AP3B1: variants seen among roughly 807,000 people sequenced by gnomAD.
The protein encoded by AP3B1 is AP-3 complex subunit beta-1.
AP3B1 carries 61 observed loss-of-function variants against 132.5 expected under a neutral mutation model. That is an observed-to-expected ratio of 0.46 (90% CI 0.37 to 0.57). The LOEUF (loss-of-function observed/expected upper bound fraction) is 0.57. AP3B1 is among the 20% of genes least tolerant of loss of function. The pLI is 0.00. For synonymous variants in AP3B1, 388 were observed against 438.3 expected, an observed-to-expected ratio of 0.89 and a Z score of 1.43; for missense variants, 1,120 against 1,289.4, an observed-to-expected ratio of 0.87 and a Z score of 2.01.
chr5:78,015,623 G>T, intron 25 of AP3B1, 75 bp from the exon 26 acceptor site: 1 of 1,513,984 alleles, frequency 6.6e-7, no homozygotes, highest in Non-Finnish European at 9.0e-7. Context: ...TAAGCTCATG[G>T]CCAAAATTTT....
chr5:78,033,472 T>C (rs1224452386), intron 24 of AP3B1, among the ~76,000 whole-genome samples: 5 of 152,008 alleles, frequency 3.3e-5, no homozygotes, highest in Non-Finnish European at 1.5e-5. Flanking sequence ...AAATGAAAAG[T>C]TCACTATGTT....
At chr5:78,240,377 G>A (rs975134296) in intron 3 of AP3B1, among the ~76,000 whole-genome samples, 2 of 152,082 alleles carry the variant, frequency 1.3e-5, no homozygotes, top group Non-Finnish European at 2.9e-5. Context: ...GTATTTTACT[G>A]GGACGTGTTC....
chr5:78,190,936 T>G (rs185766989), intron 7 of AP3B1, among the ~76,000 whole-genome samples: 8 of 152,294 alleles, frequency 5.3e-5, no homozygotes, highest in African/African-American at 1.9e-4. Flanking sequence ...TGCCTCATAC[T>G]TGAGGATTTA....
At chr5:78,042,122 A>T (rs1407932584) in intron 22 of AP3B1, 1 of 166,694 alleles carries the variant, frequency 6.0e-6, no homozygotes, top group Non-Finnish European at 1.3e-5. Context: ...TTTGACACAG[A>T]TGTCATCTCA....
intron 22 of AP3B1, among the ~76,000 whole-genome samples, chr5:78,045,123 G>T (rs1031658499): frequency 1.3e-5 from 2 of 152,200 alleles, no homozygotes; most frequent in African/African-American, 4.8e-5. Context: ...GCTCATGCCT[G>T]TAATCCCAGC....
At chr5:78,077,684 C>T (rs1305313208) in intron 22 of AP3B1, among the ~76,000 whole-genome samples, 1 of 105,512 alleles carries the variant, frequency 9.5e-6, no homozygotes, top group Non-Finnish European at 2.5e-5. Context: ...CTTCTAGGAG[C>T]GTCATTCTTC....
intron 13 of AP3B1, among the ~76,000 whole-genome samples, chr5:78,161,382 A>C (rs575679258): frequency 6.6e-4 from 100 of 152,150 alleles, no homozygotes; most frequent in African/African-American, 2.4e-3. Flanking sequence ...ATGTAACTAA[A>C]ATGTAAAAGA....
intron 6 of AP3B1, among the ~76,000 whole-genome samples, chr5:78,217,024 A>G (rs1283095803): frequency 1.3e-5 from 2 of 152,158 alleles, no homozygotes; most frequent in African/African-American, 2.4e-5. Flanking sequence ...ACTTCTCTAT[A>G]CGTACAAATG....
At chr5:78,164,688 C>A (rs1241839081) in intron 12 of AP3B1, among the ~76,000 whole-genome samples, 1 of 152,044 alleles carries the variant, frequency 6.6e-6, no homozygotes, top group Non-Finnish European at 1.5e-5. Flanking sequence ...TAGAAAGATA[C>A]ACAACATAAA....
intron 14 of AP3B1, among the ~76,000 whole-genome samples, chr5:78,149,200 A>G (rs1403248312): frequency 1.3e-5 from 2 of 152,198 alleles, no homozygotes; most frequent in Non-Finnish European, 2.9e-5. Flanking sequence ...CAATTTAAAT[A>G]TTTGTTAAAT....
chr5:78,091,251 T>A (rs1249888555), intron 21 of AP3B1, among the ~76,000 whole-genome samples: 1 of 45,896 alleles, frequency 2.2e-5, no homozygotes, highest in Non-Finnish European at 4.7e-5. Flanking sequence ...AAAACCTAAT[T>A]AAGAAAAAGA....
chr5:78,285,528 T>G (rs1749237668), intron 1 of AP3B1, among the ~76,000 whole-genome samples: 1 of 152,162 alleles, frequency 6.6e-6, no homozygotes. Flanking sequence ...ACCTGATGAC[T>G]CCCAAATTTA....
At chr5:78,210,870 C>A (rs1248443554) in intron 7 of AP3B1, among the ~76,000 whole-genome samples, 1 of 151,940 alleles carries the variant, frequency 6.6e-6, no homozygotes, top group African/African-American at 2.4e-5. Context: ...ACAAAAGCAA[C>A]TTTAGTCTTA....
chr5:78,012,757 C>A (rs998506328), intron 26 of AP3B1, among the ~76,000 whole-genome samples: 1 of 152,130 alleles, frequency 6.6e-6, no homozygotes, highest in Non-Finnish European at 1.5e-5. Context: ...ATGAGGACCA[C>A]GAACATTAAG....
chr5:78,156,188 G>T, intron 14 of AP3B1, 70 bp downstream of exon 14: 4 of 1,105,068 alleles, frequency 3.6e-6, no homozygotes, highest in South Asian at 2.5e-5. Flanking sequence ...CCTTTAGGCT[G>T]ACCATTTATT....
intron 7 of AP3B1, among the ~76,000 whole-genome samples, chr5:78,193,773 T>A (rs1309355353): frequency 2.1e-5 from 3 of 139,924 alleles, no homozygotes; most frequent in South Asian, 2.2e-4. Context: ...TATATATATT[T>A]TTTTTTTAGA....
rs1751182728 is a variant in AP3B1, at chr5:78,102,801, T to C, written c.2398-1776A>G. On this transcript the variant is annotated intron_variant, in intron 20 of 26. Coordinates refer to ENST00000255194, the MANE Select transcript of AP3B1 (RefSeq NM_003664.5). Reference sequence around the variant, plus strand: ...AAATTAGAAACCTATCAAATCAAGATAAAGTTAAAGCTGAAGGCAAGTCTA... The same window carrying C: ...AAATTAGAAACCTATCAAATCAAGACAAAGTTAAAGCTGAAGGCAAGTCTA... 3.3e-5 allele frequency among the ~76,000 whole-genome samples: 5 copies of C among 152,062 alleles called. No homozygotes were observed. In the South Asian group the frequency reaches 1.0e-3, roughly 32 times the overall value.
rs779750664 is a variant in AP3B1, at chr5:78,113,810, C to T, written c.2191G>A (p.Glu731Lys). The change falls in exon 19 of 27, where the codon GAG becomes AAG. Residue 731 changes from glutamate to lysine, a missense_variant. Glu to Lys is a moderately conservative substitution (Grantham distance 56). Transcript: ENST00000255194. ...GTTCTTTTGTTTTCTAGGCCTGACT[C>T]CCGTCCACTCTCACTGTCCTGCTCA... ...SSEQDSESGR[E>K]SGLENKRTAK... 1.2e-6 allele frequency: 2 copies of T among 1,614,156 alleles called. No homozygotes were observed. The highest frequency in any genetic ancestry group is 2.2e-5 in the South Asian group (2 of 91,082).
chr5:78,261,366 A>C (rs1386860980), intron 2 of AP3B1, among the ~76,000 whole-genome samples: 3 of 152,180 alleles, frequency 2.0e-5, no homozygotes, highest in African/African-American at 7.2e-5. Flanking sequence ...GATGCTGCAC[A>C]TCTTTCTCTG....
Sources: allele counts gnomAD v4.1 joint callset (sites outside exome capture counted in the v4.1 genomes callset), GRCh38; gene constraint gnomAD v4.1.1; transcripts MANE v1.5; gene names NCBI Gene and HGNC (gene_info 2026-07-23, HGNC 2026-07-21).